The following LRCH1 variants were observed in gnomAD, a reference collection of about 807,000 sequenced individuals.
The protein encoded by LRCH1 is leucine rich repeats and calponin homology domain containing 1.
In LRCH1, 23 loss-of-function variants were observed where a neutral mutation model predicts 94.9. The ratio of observed to expected loss-of-function variants is 0.24; its 90% CI spans 0.17 to 0.34. The LOEUF (loss-of-function observed/expected upper bound fraction) is 0.34. Ranked by LOEUF, LRCH1 falls within the 10% of genes least tolerant of loss-of-function variation. The pLI, the probability that LRCH1 is intolerant of heterozygous loss-of-function variation, is 1.00. For missense variants in LRCH1, 790 were observed against 945.9 expected (o/e 0.84, Z 2.16); for synonymous variants, 364 against 354.9 (o/e 1.03, Z -0.29).
At chr13:46,729,038 C>A (rs1350528992) in intron 18 of LRCH1, 54 bp downstream of exon 18, 2 of 1,541,362 alleles carry the variant, frequency 1.3e-6, no homozygotes, top group Non-Finnish European at 1.8e-6. Context: ...TTAGGGGGCA[C>A]TGTTGTTGGT....
chr13:46,557,206 G>A (rs17068347), intron 1 of LRCH1, among the ~76,000 whole-genome samples: 4,772 of 151,274 alleles, frequency 0.032, 189 homozygotes, highest in African/African-American at 0.098. Context: ...AAGTAGTGTC[G>A]TTTTGAATGA....
intron 3 of LRCH1, among the ~76,000 whole-genome samples, chr13:46,677,255 C>CAAAAAAAAAAAAAAAA (rs67827727): frequency 2.0e-5 from 2 of 98,074 alleles, no homozygotes; most frequent in African/African-American, 3.6e-5. Context: ...ACTAAAAATA[C>CAAAAAAAAAAAAAAAA]AAAAAAAAAA....
rs67588975 is a variant in LRCH1, at chr13:46,657,500, C to CTTTTTTTTTTTTTTTTTTTTTTTTTT, written c.452+7172_452+7197dup. Among the ~76,000 whole-genome samples the CTTTTTTTTTTTTTTTTTTTTTTTTTT allele has an allele frequency of 9.7e-4, 11 of 11,388 alleles. 3 individuals carry two copies. The highest frequency in any genetic ancestry group is 1.1e-3 in the Non-Finnish European group (7 of 6,144). 7.5% of individuals were successfully genotyped at this position (11,388 alleles called of 152,430 possible). ...TCATTTTTACTTTTTCTTTTCTTTTCTTTTTTTTTTTTTTTTTTTTTTTTT... is the reference window on the plus strand; with the variant it reads ...TCATTTTTACTTTTTCTTTTCTTTTCTTTTTTTTTTTTTTTTTTTTTTTTTTTTTTTTTTTTTTTTTTTTTTTTTTT... On this transcript the variant is annotated intron_variant, in intron 2 of 19. Coordinates refer to ENST00000389797, the MANE Select transcript of LRCH1 (RefSeq NM_001164211.2).
chr13:46,744,962 CTT>C, downstream of LRCH1: 3 of 927,076 alleles, frequency 3.2e-6, no homozygotes, highest in African/African-American at 1.8e-5. Context: ...TTCACTGTGA[CTT>C]TGTTCATTTT....
chr13:46,558,230 G>A (rs1011948727), intron 1 of LRCH1, among the ~76,000 whole-genome samples: 5 of 152,166 alleles, frequency 3.3e-5, no homozygotes, highest in Admixed American at 2.6e-4. Flanking sequence ...AGCCACTGAG[G>A]CCCAAGGCAG....
In LRCH1 at chr13:46,716,185, A is replaced by G. The variant is rs141096281; in HGVS notation, c.1759+521A>G. Among the ~76,000 whole-genome samples the G allele has an allele frequency of 7.2e-4, 110 of 152,212 alleles. No homozygotes were observed. The East Asian group carries it at 0.02, about 28-fold the overall frequency. ...GCCTTCTTTTTTCCAAATTATTGGCATATTTTGACTTTTGATGCCTTCTTG... is the reference window on the plus strand; with the variant it reads ...GCCTTCTTTTTTCCAAATTATTGGCGTATTTTGACTTTTGATGCCTTCTTG... On this transcript the variant is annotated intron_variant, in intron 16 of 19. Transcript: ENST00000389797.
chr13:46,748,377 C>G (rs1414727131), downstream of LRCH1, among the ~76,000 whole-genome samples: 2 of 151,904 alleles, frequency 1.3e-5, no homozygotes, highest in African/African-American at 2.4e-5. Flanking sequence ...TATCTGGCAC[C>G]AGGAACTTAA....
intron 19 of LRCH1, among the ~76,000 whole-genome samples, chr13:46,736,051 C>T (rs555443561): frequency 1.8e-3 from 274 of 151,468 alleles, no homozygotes; most frequent in African/African-American, 6.0e-3. Flanking sequence ...CCTGCCTCAG[C>T]CTCCCAAAGT....
Position 46,743,483 on chromosome 13 carries a change from A to C in LRCH1, c.*1635A>C, listed in dbSNP as rs1180650812. ...GAATAACCCACAGATGTACTGAATT[A>C]CTTTTGGTGCTATCTTGTACTCTTC... On this transcript the variant is annotated 3_prime_UTR_variant, in exon 20 of 20. Transcript: ENST00000389797. 5.1e-6 allele frequency: 5 copies of C among 985,876 alleles called. No homozygotes were observed. The highest frequency in any genetic ancestry group is 6.0e-6 in the Non-Finnish European group (5 of 829,930). 61.1% of individuals were successfully genotyped at this position (985,876 alleles called of 1,614,324 possible).
intron 19 of LRCH1, among the ~76,000 whole-genome samples, chr13:46,738,375 C>T (rs111707142): frequency 0.011 from 1,604 of 152,292 alleles, 36 homozygotes; most frequent in African/African-American, 0.037. Context: ...GGAATTATGG[C>T]TGAGTTTTCC....
At chr13:46,628,605 C>T (rs531033276) in intron 1 of LRCH1, among the ~76,000 whole-genome samples, 1 of 147,362 alleles carries the variant, frequency 6.8e-6, no homozygotes, top group Admixed American at 6.9e-5. Flanking sequence ...TGCAGTGAGC[C>T]GAGATCACAC....
At chr13:46,685,321 A>T (rs1173160390) in intron 4 of LRCH1, among the ~76,000 whole-genome samples, 3 of 152,206 alleles carry the variant, frequency 2.0e-5, no homozygotes, top group African/African-American at 7.2e-5. Context: ...TTCTGAGTGG[A>T]GCTACAGAAG....
intron 13 of LRCH1, among the ~76,000 whole-genome samples, chr13:46,710,400 T>C (rs1343211779): frequency 6.6e-6 from 1 of 152,206 alleles, no homozygotes; most frequent in Non-Finnish European, 1.5e-5. Flanking sequence ...AAGCGGTTTG[T>C]AATTGGTGGC....
intron 19 of LRCH1, among the ~76,000 whole-genome samples, chr13:46,738,286 T>G (rs528704075): frequency 2.0e-5 from 3 of 152,222 alleles, no homozygotes; most frequent in South Asian, 4.1e-4. Flanking sequence ...ATCCTTGAGC[T>G]TCTGCATCAG....
chr13:46,741,822 T>TA lies in LRCH1; in HGVS notation c.2267dup (p.Tyr756Ter). Residue 756 changes from tyrosine to a stop codon, truncating the protein, a stop_gained and frameshift_variant, in exon 20 of 20, where the codon TAC (tyrosine) becomes TAAC (stop). Coordinates refer to ENST00000389797, the MANE Select transcript of LRCH1 (RefSeq NM_001164211.2). LOFTEE classifies it high-confidence loss of function. ...CTTTATAGTGCTGGTCTATATCACT[T>TA]ACCACTGGAATGCTCTGTCCGCATA... Reference protein sequence around the residue: ...ILFIVLVYITYHWNALSA With the variant: ...ILFIVLVYIT 6.2e-7 allele frequency: 1 copy of TA among 1,614,160 alleles called. No homozygotes were observed. Among genetic ancestry groups the TA allele is most frequent in the South Asian group, 1.1e-5 (1 of 91,080 alleles).
chr13:46,651,823 C>T (rs1391969280), intron 2 of LRCH1, among the ~76,000 whole-genome samples: 2 of 148,202 alleles, frequency 1.3e-5, no homozygotes, highest in Non-Finnish European at 3.0e-5. Flanking sequence ...GCCTCAGCCT[C>T]CCAAGTAGCT....
chr13:46,607,988 T>G (rs541248572), intron 1 of LRCH1, among the ~76,000 whole-genome samples: 1 of 152,090 alleles, frequency 6.6e-6, no homozygotes, highest in Non-Finnish European at 1.5e-5. Flanking sequence ...ACAGGAGATA[T>G]GAGTTTGCAG....
At chr13:46,602,818 T>G (rs1319371560) in intron 1 of LRCH1, among the ~76,000 whole-genome samples, 1 of 152,042 alleles carries the variant, frequency 6.6e-6, no homozygotes, top group African/African-American at 2.4e-5. Context: ...CTGACTGCGG[T>G]GGTGCCTGTA....
At chr13:46,600,009 C>G (rs990078794) in intron 1 of LRCH1, among the ~76,000 whole-genome samples, 17 of 152,300 alleles carry the variant, frequency 1.1e-4, no homozygotes, top group African/African-American at 3.8e-4. Context: ...AAATAGCTTA[C>G]TTAAAAAATA....
Sources: gnomAD v4.1 joint callset for allele counts (sites outside exome capture counted in the v4.1 genomes callset) on GRCh38, gnomAD v4.1.1 for gene constraint, MANE v1.5 for transcripts, NCBI Gene and HGNC (gene_info 2026-07-23, HGNC 2026-07-21) for gene names.